ATP6V0E2: variants seen among roughly 807,000 people sequenced by gnomAD.
ATP6V0E2 encodes the protein ATPase H+ transporting V0 subunit e2, also known as V-type proton ATPase subunit e 2.
Under a neutral mutation model 11.5 loss-of-function variants are expected in ATP6V0E2, and 4 were observed. The observed-to-expected ratio is 0.35, with a 90% CI of 0.17 to 0.80. The LOEUF is 0.80. ATP6V0E2 is among the 30% of genes least tolerant of loss of function. ATP6V0E2 has a pLI of 0.53. For synonymous variants in ATP6V0E2, 52 were observed against 51.0 expected (o/e 1.02, Z -0.09); for missense variants, 93 against 113.5 (o/e 0.82, Z 0.82).
At chr7:149,879,246 G>A (rs1168001919) in intron 3 of ATP6V0E2, 89 bp from the exon 4 acceptor site, 4 of 1,415,514 alleles carry the variant, frequency 2.8e-6, no homozygotes, top group Non-Finnish European at 3.7e-6. Context: ...GACTATCTGG[G>A]CAGGGGTGAG....
chr7:149,878,614 G>C, intron 2 of ATP6V0E2, 64 bp from the exon 3 acceptor site: 1 of 1,466,550 alleles, frequency 6.8e-7, no homozygotes, highest in Non-Finnish European at 9.3e-7. Flanking sequence ...TATGACCGAG[G>C]CCTCCCCTGG....
In ATP6V0E2 at chr7:149,873,992, C is replaced by T; in HGVS notation, c.-74C>T. ...CTGTTGCGCATGCTCAGCGCGCTGC[C>T]CGGCTGGGGACCCGCGCACCTGCAG... is the stretch of plus-strand genomic sequence containing the variant. On this transcript the variant is annotated 5_prime_UTR_variant, in exon 1 of 4. Transcript: ENST00000425642. 1 of 1,545,098 alleles carries T rather than the reference C, an allele frequency of 6.5e-7. No individual in the cohort carries two copies. The highest frequency in any genetic ancestry group is 8.7e-7 in the Non-Finnish European group (1 of 1,145,646).
rs1213195265 is a variant in ATP6V0E2, at chr7:149,879,332, C to T, written c.*20-3C>T. 1 of 1,527,328 alleles carries T rather than the reference C, an allele frequency of 6.5e-7. No homozygotes were observed. Among genetic ancestry groups the T allele is most frequent in the South Asian group, 1.3e-5 (1 of 77,206 alleles). 94.6% of individuals were successfully genotyped at this position (1,527,328 alleles called of 1,614,324 possible). On this transcript the variant is annotated splice_region_variant and splice_polypyrimidine_tract_variant and intron_variant, in intron 3 of 3. Coordinates refer to ENST00000425642, the MANE Select transcript of ATP6V0E2 (RefSeq NM_145230.4). ...GGACCCTTCCATGTGATGTGCTTTTCAGGTGCCCAGCTCTCGGAATGACTG... is the reference window on the plus strand; with the variant it reads ...GGACCCTTCCATGTGATGTGCTTTTTAGGTGCCCAGCTCTCGGAATGACTG...
At chr7:149,878,335 C>T (rs550313710) in intron 2 of ATP6V0E2, among the ~76,000 whole-genome samples, 4 of 152,250 alleles carry the variant, frequency 2.6e-5, no homozygotes, top group South Asian at 2.1e-4. Context: ...TGCATGGAGC[C>T]GGGGGAGCCT....
At chr7:149,877,400 T>G (rs1312468930) in intron 2 of ATP6V0E2, among the ~76,000 whole-genome samples, 2 of 152,110 alleles carry the variant, frequency 1.3e-5, no homozygotes, top group African/African-American at 4.8e-5. Flanking sequence ...AAGGCTGTGC[T>G]TGAACTCCTT....
At chr7:149,878,814 G>T in intron 3 of ATP6V0E2, 24 bp downstream of exon 3, 2 of 1,605,994 alleles carry the variant, frequency 1.2e-6, no homozygotes, top group East Asian at 2.2e-5. Context: ...GAGGGGTGTG[G>T]GTGGGGAAGA....
intron 2 of ATP6V0E2, among the ~76,000 whole-genome samples, chr7:149,877,792 C>T (rs1407381621): frequency 6.6e-6 from 1 of 152,214 alleles, no homozygotes; most frequent in African/African-American, 2.4e-5. Flanking sequence ...ACAGAAAACA[C>T]ACTGCAAATT....
Position 149,875,636 on chromosome 7 carries a change from G to A in ATP6V0E2, c.143G>A (p.Cys48Tyr). The A allele has an allele frequency of 6.2e-7, 1 of 1,613,742 alleles. No homozygotes were observed. The highest frequency in any genetic ancestry group is 8.5e-7 in the Non-Finnish European group (1 of 1,179,788). The part of the protein sequence containing the change: ...ITMLVATAVC[C>Y]YLFWLIAILA... ...ATGCTGGTCGCCACCGCCGTCTGCTGTTACCTCTTGTAAGTACTACTCTCC... is the reference window on the plus strand; with the variant it reads ...ATGCTGGTCGCCACCGCCGTCTGCTATTACCTCTTGTAAGTACTACTCTCC... The change falls in exon 2 of 4, where the codon TGT (cysteine) becomes TAT (tyrosine). Residue 48 changes from cysteine to tyrosine, a missense_variant. By Grantham distance (194) the Cys-to-Tyr change is radical. Transcript: ENST00000425642.
At chr7:149,878,298 G>A (rs1188221813) in intron 2 of ATP6V0E2, among the ~76,000 whole-genome samples, 1 of 152,184 alleles carries the variant, frequency 6.6e-6, no homozygotes, top group Non-Finnish European at 1.5e-5. Context: ...CGTGCTGCCC[G>A]CCAGGCCTGC....
Position 149,879,851 on chromosome 7 carries a change from T to C in ATP6V0E2, c.*536T>C, listed in dbSNP as rs1056111467. On this transcript the variant is annotated 3_prime_UTR_variant, in exon 4 of 4. Transcript: ENST00000425642. The stretch of plus-strand genomic sequence containing the variant: ...TTTTCTGACACGTCTAGATGTGAAA[T>C]TTCTGAAAATGTTGAAGCAGAGAAA... The C allele has an allele frequency of 1.1e-4, 50 of 453,068 alleles. No homozygotes were observed. The Admixed American group carries it at 1.8e-3, about 16-fold the overall frequency. 28.1% of individuals were successfully genotyped at this position (453,068 alleles called of 1,614,324 possible).
At chr7:149,879,262 T>G in intron 3 of ATP6V0E2, 73 bp from the exon 4 acceptor site, 1 of 1,418,340 alleles carries the variant, frequency 7.1e-7, no homozygotes, top group Non-Finnish European at 9.2e-7. Context: ...GTGAGGGGGC[T>G]TTCCAGGGAG....
At chr7:149,878,252 G>C (rs988066357) in intron 2 of ATP6V0E2, among the ~76,000 whole-genome samples, 3 of 152,188 alleles carry the variant, frequency 2.0e-5, no homozygotes, top group Non-Finnish European at 4.4e-5. Flanking sequence ...CACGTCTTGG[G>C]GTAGTTCCTT....
At chr7:149,879,198 C>T in intron 3 of ATP6V0E2, 137 bp from the exon 4 acceptor site, 1 of 1,400,412 alleles carries the variant, frequency 7.1e-7, no homozygotes, top group Non-Finnish European at 9.2e-7. Flanking sequence ...CTAACCTGGG[C>T]CCTAACCTGG....
At position 149,879,369 on chromosome 7, in the gene ATP6V0E2, TCC is replaced by T. The variant is rs1465942876; in HGVS notation, c.*56_*57del. On this transcript the variant is annotated 3_prime_UTR_variant, in exon 4 of 4. Transcript: ENST00000425642. ...TCTCGGAATGACTGTGGCTCCACTG[TCC>T]CTGACAACCCCTTCGTCCGGACCCT... 6.3e-7 allele frequency: 1 copy of T among 1,576,622 alleles called. No homozygotes were observed. Among genetic ancestry groups the T allele is most frequent in the African/African-American group, 1.4e-5 (1 of 73,538 alleles).
Position 149,878,720 on chromosome 7 carries a change from G to T in ATP6V0E2, c.195G>T (p.Gly65=), listed in dbSNP as rs772529785. ...AILAQLNPLF[G]PQLKNETIWY... ...TGGCGCAGCTGAACCCCCTGTTCGG[G>T]CCCCAGCTGAAGAATGAGACCATCT... Residue 65 remains glycine, a synonymous_variant, in exon 3 of 4, where the codon GGG becomes GGT. Transcript: ENST00000425642. 3 of 1,612,950 alleles carry T rather than the reference G, an allele frequency of 1.9e-6. No individual in the cohort carries two copies. Among genetic ancestry groups the T allele is most frequent in the East Asian group, 4.5e-5 (2 of 44,856 alleles).
rs1258298326 is a variant in ATP6V0E2 at position 149,880,005 on chromosome 7, A to ATGTC, written c.*692_*695dup. 5 of 219,294 alleles carry ATGTC rather than the reference A, an allele frequency of 2.3e-5. No homozygotes were observed. The highest frequency in any genetic ancestry group is 1.1e-4 in the African/African-American group (5 of 43,850). The allele number at this position is 219,294 out of a possible 1,614,324, so 13.6% of individuals were successfully genotyped here. A position where few individuals can be genotyped will look rare whatever the true frequency, so the allele number is the denominator to read the frequency against. On this transcript the variant is annotated 3_prime_UTR_variant, in exon 4 of 4. Coordinates refer to ENST00000425642, the MANE Select transcript of ATP6V0E2 (RefSeq NM_145230.4). ...CTGCCACCTGGACCTCCCTCAGTGG[A>ATGTC]TGTCTTCCCTCCCCCGACCCCAGCC...
chr7:149,873,904 G>T (rs935848394), upstream of ATP6V0E2: 5 of 1,503,692 alleles, frequency 3.3e-6, no homozygotes, highest in Non-Finnish European at 4.4e-6. Flanking sequence ...ACAGCGCGGC[G>T]GGCTGGATCA....
rs765329489 is a variant in ATP6V0E2, at chr7:149,878,755, G to T, written c.230G>T (p.Arg77Leu). ...QLKNETIWYV[R>L]FLWE ...AAGAATGAGACCATCTGGTACGTGC[G>T]CTTCCTGTGGGAGTGACCCGCCGCC... The change falls in exon 3 of 4, where the codon CGC becomes CTC. Residue 77 changes from arginine (R) to leucine (L), a missense_variant. Physicochemically the swap from Arg to Leu is moderately radical, Grantham distance 102 (BLOSUM62 -2). Transcript: ENST00000425642. The T allele has an allele frequency of 6.2e-7, 1 of 1,613,066 alleles. No homozygotes were observed. The highest frequency in any genetic ancestry group is 1.7e-5 in the Admixed American group (1 of 60,022).
intron 1 of ATP6V0E2, among the ~76,000 whole-genome samples, chr7:149,875,376 G>A (rs965378767): frequency 1.3e-5 from 2 of 152,170 alleles, no homozygotes; most frequent in African/African-American, 4.8e-5. Context: ...AAGGCAACTT[G>A]GATGTGGTCA....
Sources: gnomAD v4.1 joint callset for allele counts (sites outside exome capture counted in the v4.1 genomes callset) on GRCh38, gnomAD v4.1.1 for gene constraint, MANE v1.5 for transcripts, NCBI Gene and HGNC (gene_info 2026-07-23, HGNC 2026-07-21) for gene names.